Variants in ITGA1 observed in about 807,000 individuals in gnomAD.
ITGA1 encodes the protein integrin subunit alpha 1, also known as integrin alpha-1.
A neutral mutation model predicts 145.9 loss-of-function variants in ITGA1; 85 were observed. The observed-to-expected ratio is 0.58, with a 90% CI of 0.49 to 0.70. The LOEUF is 0.70. Among genes scored for constraint, ITGA1 ranks in the 30% least tolerant of loss-of-function variants. ITGA1 has a pLI of 0.00. For synonymous variants in ITGA1, 520 were observed against 495.3 expected, an observed-to-expected ratio of 1.05 and a Z score of -0.66; for missense variants, 1,351 against 1,418.7, an observed-to-expected ratio of 0.95 and a Z score of 0.77.
In ITGA1 at chr5:52,954,965, G is replaced by A. The variant is rs1010914540; in HGVS notation, c.*2514G>A. Reference sequence around the variant, plus strand: ...CATTTACTTTTAAAACATTTAATTAGAAAAACAGGTGATATTTAAGACTAT... The same window carrying A: ...CATTTACTTTTAAAACATTTAATTAAAAAAACAGGTGATATTTAAGACTAT... On this transcript the variant is annotated 3_prime_UTR_variant, in exon 29 of 29. Coordinates refer to ENST00000282588, the MANE Select transcript of ITGA1 (RefSeq NM_181501.2). The A allele has an allele frequency of 2.0e-5, 3 of 152,010 alleles. No individual in the cohort carries two copies. Among genetic ancestry groups the A allele is most frequent in the Non-Finnish European group, 4.4e-5 (3 of 67,986 alleles). The allele number at this position is 152,010 out of a possible 1,614,324, so 9.4% of individuals were successfully genotyped here.
At chr5:52,808,676 C>CTTTCTTTTTTTTTTTTTTTTTTTTT (rs1554041033) in intron 1 of ITGA1, among the ~76,000 whole-genome samples, 16 of 69,336 alleles carry the variant, frequency 2.3e-4, no homozygotes, top group Non-Finnish European at 2.6e-4. Context: ...TTCTTTCTTT[C>CTTTCTTTTTTTTTTTTTTTTTTTTT]TTTTTTTTTT....
chr5:52,887,233 T>C (rs1471571877), intron 7 of ITGA1, among the ~76,000 whole-genome samples: 1 of 152,076 alleles, frequency 6.6e-6, no homozygotes, highest in East Asian at 1.9e-4. Context: ...CCATCTGCAG[T>C]CTATTACTCC....
At position 52,864,991 on chromosome 5, in the gene ITGA1, C is replaced by T. The variant is rs1251315776; in HGVS notation, c.405C>T (p.Ala135=). ...GGFLACGPLY[A]YRCGHLHYTT... ...TAAAGGCTTGTGGGCCCTTATATGC[C>T]TATAGATGTGGACATTTGCATTACA... is the stretch of plus-strand genomic sequence containing the variant. The change falls in exon 5 of 29, where the codon GCC becomes GCT. Residue 135 remains alanine, a synonymous_variant. Transcript: ENST00000282588. 3.7e-6 allele frequency: 6 copies of T among 1,613,030 alleles called. No homozygotes were observed. The highest frequency in any genetic ancestry group is 2.2e-5 in the East Asian group (1 of 44,868).
intron 9 of ITGA1, among the ~76,000 whole-genome samples, chr5:52,897,133 T>C: frequency 6.6e-6 from 1 of 152,214 alleles, no homozygotes; most frequent in Middle Eastern, 3.4e-3. Flanking sequence ...TACATCCAAC[T>C]TGAGCCTTGT....
Position 52,849,370 on chromosome 5 carries a change from C to G in ITGA1, c.67C>G (p.Leu23Val). 2 of 1,600,296 alleles carry G rather than the reference C, an allele frequency of 1.2e-6. No individual in the cohort carries two copies. Among genetic ancestry groups the G allele is most frequent in the Non-Finnish European group, 1.7e-6 (2 of 1,171,742 alleles). Residue 23 changes from leucine (L) to valine (V), a missense_variant, in exon 2 of 29, where the codon CTA becomes GTA. Coordinates refer to ENST00000282588, the MANE Select transcript of ITGA1 (RefSeq NM_181501.2). ...VACCWLLTVV[L>V]RCCVSFNVDV... ...ATTTTGTTTTTCTCCTAAAGTTGTTCTACGCTGCTGCGTATCATTCAATGT... is the reference window on the plus strand; with the variant it reads ...ATTTTGTTTTTCTCCTAAAGTTGTTGTACGCTGCTGCGTATCATTCAATGT...
rs542925164 is a variant in ITGA1 at position 52,800,429 on chromosome 5, A to G, written c.61+12015A>G. 1.7e-4 allele frequency: 268 copies of G among 1,614,026 alleles called. 2 individuals carry two copies. In the South Asian group the frequency reaches 2.3e-3, roughly 14 times the overall value. On this transcript the variant is annotated intron_variant, in intron 1 of 28. Coordinates refer to ENST00000282588, the MANE Select transcript of ITGA1 (RefSeq NM_181501.2). ...GTGAGGAAGAACATCGAGAAGGACA[A>G]TGCGGGCCAGGTGACCCTGGTCCCC...
chr5:52,939,798 A>G (rs1443662040), intron 25 of ITGA1, 42 bp from the exon 26 acceptor site: 1 of 1,458,566 alleles, frequency 6.9e-7, no homozygotes, highest in East Asian at 2.3e-5. Context: ...TATTTGATAA[A>G]ACGGCAAGAA....
chr5:52,853,634 AG>A (rs1381917054), intron 2 of ITGA1, among the ~76,000 whole-genome samples: 1 of 152,178 alleles, frequency 6.6e-6, no homozygotes, highest in Admixed American at 6.5e-5. Flanking sequence ...TTGACAGAAA[AG>A]GTAGCCTTAT....
At chr5:52,806,576 TTATA>T (rs1463984388) in intron 1 of ITGA1, among the ~76,000 whole-genome samples, 2 of 152,122 alleles carry the variant, frequency 1.3e-5, no homozygotes, top group Admixed American at 6.5e-5. Flanking sequence ...TTGTTTTTCT[TTATA>T]TAGTAAGAAT....
chr5:52,905,958 T>A (rs972266693), intron 12 of ITGA1, 50 bp downstream of exon 12: 3 of 1,513,888 alleles, frequency 2.0e-6, no homozygotes, highest in African/African-American at 2.8e-5. Context: ...TCATACTCTA[T>A]GTATATTTAC....
intron 1 of ITGA1, among the ~76,000 whole-genome samples, chr5:52,812,359 C>A (rs575271032): frequency 1.3e-5 from 2 of 152,284 alleles, no homozygotes; most frequent in East Asian, 1.9e-4. Context: ...AGATCCCACC[C>A]ACTTCTTGAA....
At chr5:52,873,493 T>C (rs766015014) in intron 6 of ITGA1, among the ~76,000 whole-genome samples, 78 of 152,352 alleles carry the variant, frequency 5.1e-4, no homozygotes, top group Non-Finnish European at 1.0e-3. Flanking sequence ...TGAACACTTG[T>C]TTCCTTAGGA....
At chr5:52,908,246 A>G (rs1183767740) in intron 12 of ITGA1, among the ~76,000 whole-genome samples, 1 of 152,254 alleles carries the variant, frequency 6.6e-6, no homozygotes, top group East Asian at 1.9e-4. Flanking sequence ...AGCATCAAAT[A>G]TTAAACATAG....
intron 8 of ITGA1, among the ~76,000 whole-genome samples, chr5:52,890,257 C>CA (rs1232168391): frequency 2.0e-5 from 3 of 151,904 alleles, no homozygotes; most frequent in African/African-American, 7.3e-5. Flanking sequence ...CATACATATC[C>CA]AAAAAAATAA....
chr5:52,812,050 T>G (rs752626124), intron 1 of ITGA1, among the ~76,000 whole-genome samples: 1 of 152,180 alleles, frequency 6.6e-6, no homozygotes, highest in Non-Finnish European at 1.5e-5. Flanking sequence ...CATCACTGAG[T>G]AGGACTATTA....
Position 52,915,502 on chromosome 5 carries a change from TTTTGG to T in ITGA1, c.1897_1901del (p.Phe633ProfsTer12). 1.2e-6 allele frequency: 2 copies of T among 1,614,100 alleles called. No individual in the cohort carries two copies. The highest frequency in any genetic ancestry group is 1.7e-6 in the Non-Finnish European group (2 of 1,179,986). On this transcript the variant is annotated frameshift_variant, in exon 15 of 29. Coordinates refer to ENST00000282588, the MANE Select transcript of ITGA1 (RefSeq NM_181501.2). LOFTEE classifies it high-confidence loss of function. Reference sequence around the variant, plus strand: ...GTGGGGATGGTAAGACACTGAAATTTTTTGGCCAGTCTATCCACGGAGAAATGGAT... The same window carrying T: ...GTGGGGATGGTAAGACACTGAAATTTCCAGTCTATCCACGGAGAAATGGAT...
At chr5:52,838,333 A>G (rs930066986) in intron 1 of ITGA1, among the ~76,000 whole-genome samples, 3 of 152,196 alleles carry the variant, frequency 2.0e-5, no homozygotes, top group East Asian at 1.9e-4. Flanking sequence ...ATCTCTGAAT[A>G]TGGAATTGCT....
rs1385746890 is a variant in ITGA1 at position 52,881,002 on chromosome 5, C to T, written c.625-871C>T. On this transcript the variant is annotated intron_variant, in intron 6 of 28. Coordinates refer to ENST00000282588, the MANE Select transcript of ITGA1 (RefSeq NM_181501.2). ...GAAATCAAATCTGGGGGCACTTTCC[C>T]TCCTGTATTTCACTGCATGAAGGCT... Among the ~76,000 whole-genome samples, 9 of 152,290 alleles carry T rather than the reference C, an allele frequency of 5.9e-5. No homozygotes were observed. In the East Asian group the frequency reaches 1.7e-3, roughly 29 times the overall value.
At position 52,861,374 on chromosome 5, in the gene ITGA1, A is replaced by G. The variant is rs1749597770; in HGVS notation, c.183-73A>G. ...GAGTGTTATTGTCAATTATCTTAAA[A>G]TCAGTCATAAAACAACTCATATAAA... On this transcript the variant is annotated intron_variant, in intron 2 of 28. Coordinates refer to ENST00000282588, the MANE Select transcript of ITGA1 (RefSeq NM_181501.2). 3.5e-5 allele frequency: 30 copies of G among 846,878 alleles called. 1 individual carries two copies. The South Asian group carries it at 4.1e-4, about 12-fold the overall frequency. 52.5% of individuals were successfully genotyped at this position (846,878 alleles called of 1,614,324 possible).
Sources: allele counts gnomAD v4.1 joint callset (sites outside exome capture counted in the v4.1 genomes callset), GRCh38; gene constraint gnomAD v4.1.1; transcripts MANE v1.5; gene names NCBI Gene and HGNC (gene_info 2026-07-23, HGNC 2026-07-21).